The following VPS18 variants were observed in gnomAD, a reference collection of about 807,000 sequenced individuals.
The protein encoded by VPS18 is VPS18 core subunit of CORVET and HOPS complexes.
Under a neutral mutation model 82.0 loss-of-function variants are expected in VPS18, and 25 were observed. The observed-to-expected ratio is 0.30, with a 90% CI of 0.22 to 0.43. The LOEUF (loss-of-function observed/expected upper bound fraction) is 0.43, where lower values mean the gene tolerates loss of function less well. VPS18 is among the 20% of genes least tolerant of loss of function. VPS18 has a pLI of 1.00. For missense variants in VPS18, 1,168 were observed against 1,311.1 expected (o/e 0.89, Z 1.69); for synonymous variants, 523 against 543.0 (o/e 0.96, Z 0.51).
Position 40,900,830 on chromosome 15 carries a change from A to G in VPS18, c.2012A>G (p.Tyr671Cys). Residue 671 changes from tyrosine to cysteine, a missense_variant, in exon 4 of 5, where the codon TAT becomes TGT. This residue lies in a region of VPS18 where 868 missense variants were observed against 939.8 expected (regional missense o/e 0.92). Coordinates refer to ENST00000220509, the MANE Select transcript of VPS18 (RefSeq NM_020857.3). This position sits in a 1 kb window ranked among gnomAD's most constrained non-coding sequence, Gnocchi z 5.4. ...QAIHNYLLSL[Y>C]ARGRPDSLLA... Reference sequence around the variant, plus strand: ...ATCCACAACTACCTGCTGTCACTGTATGCCCGTGGCCGGCCGGACTCACTA... The same window carrying G: ...ATCCACAACTACCTGCTGTCACTGTGTGCCCGTGGCCGGCCGGACTCACTA... 3 of 1,614,162 alleles carry G rather than the reference A, an allele frequency of 1.9e-6. No homozygotes were observed. Among genetic ancestry groups the G allele is most frequent in the Non-Finnish European group, 2.5e-6 (3 of 1,180,032 alleles).
In VPS18 at chr15:40,902,575, C is replaced by A. The variant is rs758609532; in HGVS notation, c.2197-41C>A. 1.9e-6 allele frequency: 3 copies of A among 1,571,024 alleles called. No individual in the cohort carries two copies. The highest frequency in any genetic ancestry group is 1.2e-5 in the South Asian group (1 of 84,480). ...TCTCTCCCATAGTCTCCATGTTGGG[C>A]AGGGAGGGGCTTGGCCCTAAAGCCC... On this transcript the variant is annotated intron_variant, in intron 4 of 4. Coordinates refer to ENST00000220509, the MANE Select transcript of VPS18 (RefSeq NM_020857.3). This position sits in a 1 kb window ranked among gnomAD's most constrained non-coding sequence, Gnocchi z 4.2.
At position 40,900,003 on chromosome 15, in the gene VPS18, C is replaced by T. The variant is rs778978212; in HGVS notation, c.1185C>T (p.Ala395=). 3 of 1,614,024 alleles carry T rather than the reference C, an allele frequency of 1.9e-6. No individual in the cohort carries two copies. Among genetic ancestry groups the T allele is most frequent in the African/African-American group, 1.3e-5 (1 of 75,050 alleles). ...AVFRYHVQRE[A]RDVWRTYLDM... ...TCCGCTACCACGTGCAACGGGAGGC[C>T]CGAGATGTCTGGCGCACCTATCTGG... is the stretch of plus-strand genomic sequence containing the variant. The change falls in exon 4 of 5, where the codon GCC becomes GCT. Residue 395 remains alanine (A), a synonymous_variant. Coordinates refer to ENST00000220509, the MANE Select transcript of VPS18 (RefSeq NM_020857.3). This position sits in a 1 kb window ranked among gnomAD's most constrained non-coding sequence, Gnocchi z 5.4.
At chr15:40,896,593 C>T (rs915656404) in intron 2 of VPS18, among the ~76,000 whole-genome samples, 1 of 151,604 alleles carries the variant, frequency 6.6e-6, no homozygotes, top group African/African-American at 2.4e-5. Context: ...GGTGGATCAC[C>T]TGAGGTCAGG....
intron 4 of VPS18, 23 bp downstream of exon 4, chr15:40,901,037 C>T: frequency 6.3e-7 from 1 of 1,580,940 alleles, no homozygotes; most frequent in Non-Finnish European, 8.6e-7. Context: ...GTCTTGACCC[C>T]AGCTGGGAGA....
chr15:40,898,753 T>C (rs2142037020), intron 2 of VPS18, 154 bp from the exon 3 acceptor site: 2 of 819,618 alleles, frequency 2.4e-6, no homozygotes, highest in Non-Finnish European at 4.0e-6. Context: ...GATTACAGGC[T>C]GAGCCAGTGC....
In VPS18 at chr15:40,900,448, C is replaced by T; in HGVS notation, c.1630C>T (p.His544Tyr). 1 of 1,614,132 alleles carries T rather than the reference C, an allele frequency of 6.2e-7. No homozygotes were observed. Among genetic ancestry groups the T allele is most frequent in the Non-Finnish European group, 8.5e-7 (1 of 1,180,030 alleles). ...GCTCTTTGCCAGCCGGGCCTCTATC[C>T]ATGAGCTGCTCGCCAGTCATGGGGA... ...EWLFASRASI[H>Y]ELLASHGDTE... The change falls in exon 4 of 5, where the codon CAT (histidine) becomes TAT (tyrosine). Residue 544 changes from histidine (H) to tyrosine (Y), a missense_variant. His to Tyr is a moderately conservative substitution (Grantham distance 83). Around this residue, in one of 3 missense-constraint regions of VPS18, gnomAD observed 868 missense variants for 939.8 expected, o/e 0.92. Coordinates refer to ENST00000220509, the MANE Select transcript of VPS18 (RefSeq NM_020857.3). The surrounding 1 kb of genome is among the most constrained non-coding windows in gnomAD (Gnocchi z 5.4).
At chr15:40,896,658 A>T (rs542577838) in intron 2 of VPS18, among the ~76,000 whole-genome samples, 65 of 152,070 alleles carry the variant, frequency 4.3e-4, no homozygotes, top group African/African-American at 1.2e-3. Flanking sequence ...TAAAAATACA[A>T]AAGTTAGCCG....
intron 2 of VPS18, among the ~76,000 whole-genome samples, chr15:40,897,747 A>G (rs1444738621): frequency 2.0e-5 from 3 of 152,096 alleles, no homozygotes; most frequent in Non-Finnish European, 4.4e-5. Flanking sequence ...CCCAGTAACT[A>G]TGAGCTACTC....
Position 40,899,131 on chromosome 15 carries a change from C to CT in VPS18, c.326-12dup, listed in dbSNP as rs1892290244. 1.9e-6 allele frequency: 3 copies of CT among 1,608,502 alleles called. No individual in the cohort carries two copies. Among genetic ancestry groups the CT allele is most frequent in the Non-Finnish European group, 2.6e-6 (3 of 1,175,826 alleles). ...GCAGCATCCACTGGGGCGCCATGCT[C>CT]TCCCCACTCCAGGCTCTCACCTGCT... On this transcript the variant is annotated splice_polypyrimidine_tract_variant and intron_variant, in intron 3 of 4. Coordinates refer to ENST00000220509, the MANE Select transcript of VPS18 (RefSeq NM_020857.3). The surrounding 1 kb of genome is among the most constrained non-coding windows in gnomAD (Gnocchi z 4.4).
chr15:40,900,933 C>T lies in VPS18; in HGVS notation c.2115C>T (p.Ala705=), dbSNP rs370550289. ...YDLKYALRLC[A]EHGHHRACVH... is the part of the protein sequence containing the mutation. ...TCAAGTATGCGCTGCGGCTCTGCGCCGAGCATGGCCACCACCGCGCTTGTG... is the reference window on the plus strand; with the variant it reads ...TCAAGTATGCGCTGCGGCTCTGCGCTGAGCATGGCCACCACCGCGCTTGTG... Residue 705 remains alanine (A), a synonymous_variant, in exon 4 of 5, where the codon GCC becomes GCT. Coordinates refer to ENST00000220509, the MANE Select transcript of VPS18 (RefSeq NM_020857.3). The surrounding 1 kb of genome is among the most constrained non-coding windows in gnomAD (Gnocchi z 5.4). 26 of 1,613,042 alleles carry T rather than the reference C, an allele frequency of 1.6e-5. No homozygotes were observed. The highest frequency in any genetic ancestry group is 8.3e-5 in the Admixed American group (5 of 60,008).
At position 40,902,539 on chromosome 15, in the gene VPS18, T is replaced by G; in HGVS notation, c.2197-77T>G. 1 of 1,522,254 alleles carries G rather than the reference T, an allele frequency of 6.6e-7. No homozygotes were observed. The highest frequency in any genetic ancestry group is 1.3e-5 in the South Asian group (1 of 76,656). The allele number at this position is 1,522,254 out of a possible 1,614,324, so 94.3% of individuals were successfully genotyped here. ...GGGAATCCTGCCTCGGGGCCTCTCCTCGGCCATCTCTCTCTCCCATAGTCT... is the reference window on the plus strand; with the variant it reads ...GGGAATCCTGCCTCGGGGCCTCTCCGCGGCCATCTCTCTCTCCCATAGTCT... On this transcript the variant is annotated intron_variant, in intron 4 of 4. Transcript: ENST00000220509. This position sits in a 1 kb window ranked among gnomAD's most constrained non-coding sequence, Gnocchi z 4.2.
Position 40,903,359 on chromosome 15 carries a change from T to C in VPS18, c.*18T>C, listed in dbSNP as rs752508350. ...GGCTGTAGGAGGGTGTCACCTTTGATGGGGGGTGGGCAATGGGGAGCAGTG... is the reference window on the plus strand; with the variant it reads ...GGCTGTAGGAGGGTGTCACCTTTGACGGGGGGTGGGCAATGGGGAGCAGTG... On this transcript the variant is annotated 3_prime_UTR_variant, in exon 5 of 5. Transcript: ENST00000220509. 5 of 1,520,856 alleles carry C rather than the reference T, an allele frequency of 3.3e-6. No homozygotes were observed. In the South Asian group the frequency reaches 3.9e-5, roughly 12 times the overall value. The allele number at this position is 1,520,856 out of a possible 1,614,324, so 94.2% of individuals were successfully genotyped here.
In VPS18 at chr15:40,899,962, A is replaced by G. The variant is rs1360987847; in HGVS notation, c.1144A>G (p.Thr382Ala). ...DSSTGQLWAY[T>A]ERAVFRYHVQ... ...CTCCACAGGCCAGCTGTGGGCCTAC[A>G]CTGAGCGGGCTGTCTTCCGCTACCA... Residue 382 changes from threonine to alanine, a missense_variant, in exon 4 of 5, where the codon ACT becomes GCT. By Grantham distance (58) the Thr-to-Ala change is moderately conservative. Transcript: ENST00000220509. The surrounding 1 kb of genome is among the most constrained non-coding windows in gnomAD (Gnocchi z 4.4). 2 of 1,613,918 alleles carry G rather than the reference A, an allele frequency of 1.2e-6. No individual in the cohort carries two copies. The highest frequency in any genetic ancestry group is 2.2e-5 in the South Asian group (2 of 91,076).
At position 40,895,906 on chromosome 15, in the gene VPS18, CA is replaced by C. The variant is rs1300235676; in HGVS notation, c.92-31del. On this transcript the variant is annotated intron_variant, in intron 1 of 4. Transcript: ENST00000220509. ...CCTTGCCCTTCACCTGTCTCTTCCA[CA>C]GCTAATCTTCTTGTCATTCCTTACC... The C allele has an allele frequency of 1.9e-6, 3 of 1,613,550 alleles. No homozygotes were observed. In the Admixed American group the frequency reaches 5.0e-5, roughly 27 times the overall value.
chr15:40,900,510 G>T lies in VPS18; in HGVS notation c.1692G>T (p.Gln564His), dbSNP rs1315784368. The change falls in exon 4 of 5, where the codon CAG becomes CAT. Residue 564 changes from glutamine (Q) to histidine (H), a missense_variant. Around this residue, in one of 3 missense-constraint regions of VPS18, gnomAD observed 868 missense variants for 939.8 expected, o/e 0.92. Coordinates refer to ENST00000220509, the MANE Select transcript of VPS18 (RefSeq NM_020857.3). The surrounding 1 kb of genome is among the most constrained non-coding windows in gnomAD (Gnocchi z 5.4). ...EHMVYFAVIM[Q>H]DYERVVAYHC... ...TGGTGTACTTTGCAGTGATCATGCA[G>T]GACTATGAGCGGGTGGTGGCTTACC... is the stretch of plus-strand genomic sequence containing the variant. 6.2e-7 allele frequency: 1 copy of T among 1,614,166 alleles called. No homozygotes were observed. The highest frequency in any genetic ancestry group is 1.1e-5 in the South Asian group (1 of 91,088).
chr15:40,899,792 C>T lies in VPS18; in HGVS notation c.974C>T (p.Pro325Leu), dbSNP rs1892309900. ...GGGGTAGGGCCTGGGGCCAGCCCACCCCTAGCCATCGTCTTGACCCAGTTC... is the reference window on the plus strand; with the variant it reads ...GGGGTAGGGCCTGGGGCCAGCCCACTCCTAGCCATCGTCTTGACCCAGTTC... The part of the protein sequence containing the change: ...PEGVGPGASP[P>L]LAIVLTQFHF... The change falls in exon 4 of 5, where the codon CCC (proline) becomes CTC (leucine). Residue 325 changes from proline (P) to leucine (L), a missense_variant. Transcript: ENST00000220509. The surrounding 1 kb of genome is among the most constrained non-coding windows in gnomAD (Gnocchi z 4.4). 1 of 1,611,830 alleles carries T rather than the reference C, an allele frequency of 6.2e-7. No individual in the cohort carries two copies. The highest frequency in any genetic ancestry group is 8.5e-7 in the Non-Finnish European group (1 of 1,179,998).
rs771588262 is a variant in VPS18, at chr15:40,899,769, G to T, written c.951G>T (p.Gly317=). The change falls in exon 4 of 5, where the codon GGG becomes GGT. Residue 317 remains glycine, a synonymous_variant. Transcript: ENST00000220509. This position sits in a 1 kb window ranked among gnomAD's most constrained non-coding sequence, Gnocchi z 4.4. ...AGCGAGTCTGGGAGTACCCAGAGGG[G>T]GTAGGGCCTGGGGCCAGCCCACCCC... ...SEERVWEYPE[G]VGPGASPPLA... 3.1e-6 allele frequency: 5 copies of T among 1,612,982 alleles called. No homozygotes were observed. The African/African-American group carries it at 4.0e-5, about 13-fold the overall frequency.
At chr15:40,901,444 G>A (rs1183451683) in intron 4 of VPS18, among the ~76,000 whole-genome samples, 4 of 151,936 alleles carry the variant, frequency 2.6e-5, no homozygotes, top group Admixed American at 1.3e-4. Context: ...AAAATTAGCC[G>A]GACATTGTGG....
chr15:40,901,181 C>G (rs967301380), intron 4 of VPS18, among the ~76,000 whole-genome samples, 167 bp downstream of exon 4: 1 of 152,228 alleles, frequency 6.6e-6, no homozygotes, highest in Non-Finnish European at 1.5e-5. Context: ...GGCTATGCCA[C>G]TTACTAAGCT....
Sources: gnomAD v4.1 joint callset for allele counts (sites outside exome capture counted in the v4.1 genomes callset) on GRCh38, gnomAD v4.1.1 for gene constraint, gnomAD v4.1.1 regional missense constraint, Gnocchi (gnomAD v3.1) non-coding constraint, MANE v1.5 for transcripts, NCBI Gene and HGNC (gene_info 2026-07-23, HGNC 2026-07-21) for gene names.